MORC2: variants seen among roughly 807,000 people sequenced by gnomAD.
The protein encoded by MORC2 is ATPase MORC2.
In MORC2, 30 loss-of-function variants were observed where a neutral mutation model predicts 136.0. The ratio of observed to expected loss-of-function variants is 0.22; its 90% confidence interval spans 0.17 to 0.30. MORC2 has a LOEUF of 0.30. Among genes scored for constraint, MORC2 ranks in the 10% least tolerant of loss-of-function variants. MORC2 has a pLI of 1.00. For missense variants in MORC2, 922 were observed against 1,333.1 expected, an observed-to-expected ratio of 0.69 and a Z score of 4.80; for synonymous variants, 439 against 487.0, an observed-to-expected ratio of 0.90 and a Z score of 1.30.
At position 30,958,706 on chromosome 22, in the gene MORC2, A is replaced by T; in HGVS notation, c.69-12T>A. The T allele has an allele frequency of 6.5e-7, 1 of 1,539,300 alleles. No individual in the cohort carries two copies. Among genetic ancestry groups the T allele is most frequent in the Non-Finnish European group, 8.8e-7 (1 of 1,137,238 alleles). ...ATTCGTGAGTGGTTCTGAAATGATAAATACTAAAAGTCAGCAAAAGAATTA... is the reference window on the plus strand; with the variant it reads ...ATTCGTGAGTGGTTCTGAAATGATATATACTAAAAGTCAGCAAAAGAATTA... On this transcript the variant is annotated splice_polypyrimidine_tract_variant and intron_variant, in intron 1 of 25. Transcript: ENST00000397641.
Position 30,937,747 on chromosome 22 carries a change from C to T in MORC2, c.1370-36G>A. ...AACACCGATACATCATGTTAGGAGC[C>T]AGCCTCTCTCTCTCCCTACATTCAG... is the stretch of plus-strand genomic sequence containing the variant. On this transcript the variant is annotated intron_variant, in intron 14 of 25. Coordinates refer to ENST00000397641, the MANE Select transcript of MORC2 (RefSeq NM_001303256.3). This position sits in a 1 kb window ranked among gnomAD's most constrained non-coding sequence, Gnocchi z 4.7. 1 of 1,614,018 alleles carries T rather than the reference C, an allele frequency of 6.2e-7. No individual in the cohort carries two copies. The highest frequency in any genetic ancestry group is 1.1e-5 in the South Asian group (1 of 91,068).
intron 3 of MORC2, 67 bp downstream of exon 3, chr22:30,956,696 C>A: frequency 7.9e-7 from 1 of 1,271,384 alleles, no homozygotes; most frequent in Non-Finnish European, 1.1e-6. Flanking sequence ...CCACTCAATT[C>A]TTCTTAGGCA....
intron 1 of MORC2, among the ~76,000 whole-genome samples, chr22:30,962,683 C>A (rs1259477966): frequency 6.6e-6 from 1 of 151,394 alleles, no homozygotes; most frequent in African/African-American, 2.4e-5. Flanking sequence ...GATAAGCTAA[C>A]AGTAGCCTTT....
intron 4 of MORC2, 38 bp downstream of exon 4, chr22:30,950,339 A>AACACCCCCCCCC: frequency 1.9e-6 from 1 of 539,986 alleles, no homozygotes; most frequent in Non-Finnish European, 3.5e-6. Context: ...GTTACATCGC[A>AACACCCCCCCCC]CCCCCCCACC....
In MORC2 at chr22:30,946,328, T is replaced by C. The variant is rs773335077; in HGVS notation, c.426+13A>G. On this transcript the variant is annotated intron_variant, in intron 6 of 25. Transcript: ENST00000397641. ...TGAGGACTGGTGATGCAGACCACGA[T>C]GATGGGACCTACTTCATCAATGCCT... The C allele has an allele frequency of 4.6e-5, 73 of 1,595,756 alleles. No homozygotes were observed. Among genetic ancestry groups the C allele is most frequent in the Admixed American group, 6.8e-5 (4 of 58,538 alleles).
Position 30,937,787 on chromosome 22 carries a change from C to G in MORC2, c.1369+28G>C. On this transcript the variant is annotated intron_variant, in intron 14 of 25. Transcript: ENST00000397641. This position sits in a 1 kb window ranked among gnomAD's most constrained non-coding sequence, Gnocchi z 4.7. ...CCTACATTCAGGTGAAGAGAAAAGG[C>G]AGAGGCCCAGCAGCCCAGCCCCATT... 1 of 1,613,992 alleles carries G rather than the reference C, an allele frequency of 6.2e-7. No homozygotes were observed. The highest frequency in any genetic ancestry group is 8.5e-7 in the Non-Finnish European group (1 of 1,179,906).
At chr22:30,940,661 G>T (rs2040729697) in intron 10 of MORC2, 97 bp downstream of exon 10, 2 of 1,046,548 alleles carry the variant, frequency 1.9e-6, no homozygotes, top group Non-Finnish European at 3.0e-6. Context: ...TTGTCCCTGA[G>T]TTGTGGACTC....
chr22:30,927,559 TTC>T (rs1227651828), intron 25 of MORC2, among the ~76,000 whole-genome samples: 6 of 152,188 alleles, frequency 3.9e-5, no homozygotes, highest in Admixed American at 2.6e-4. Flanking sequence ...CCATCAGTAA[TTC>T]TCTCTCTTCC....
At chr22:30,936,218 C>T (rs113007808) in intron 17 of MORC2, among the ~76,000 whole-genome samples, 26 of 152,246 alleles carry the variant, frequency 1.7e-4, no homozygotes, top group African/African-American at 6.3e-4. Flanking sequence ...TGATGGTTAC[C>T]TCTAAGGCAG....
chr22:30,937,455 A>G lies in MORC2; in HGVS notation c.1498+128T>C. Reference sequence around the variant, plus strand: ...TGAGCTCACAGGGCCATCGTCAAACAGACTTGGATCCCTAGGGGACTGTAA... The same window carrying G: ...TGAGCTCACAGGGCCATCGTCAAACGGACTTGGATCCCTAGGGGACTGTAA... On this transcript the variant is annotated intron_variant, in intron 15 of 25. Transcript: ENST00000397641. The surrounding 1 kb of genome is among the most constrained non-coding windows in gnomAD (Gnocchi z 4.7). 7.1e-7 allele frequency: 1 copy of G among 1,407,260 alleles called. No homozygotes were observed. The highest frequency in any genetic ancestry group is 9.6e-7 in the Non-Finnish European group (1 of 1,043,646). 87.2% of individuals were successfully genotyped at this position (1,407,260 alleles called of 1,614,324 possible). A position where few individuals can be genotyped will look rare whatever the true frequency, so the allele number is the denominator to read the frequency against.
At chr22:30,950,353 C>CAAAAAA in intron 4 of MORC2, 24 bp downstream of exon 4, 5 of 1,481,922 alleles carry the variant, frequency 3.4e-6, no homozygotes, top group Non-Finnish European at 4.7e-6. Flanking sequence ...CCCCACCCCC[C>CAAAAAA]AAAACAATAA....
At chr22:30,926,932 TC>T in intron 25 of MORC2, 61 bp from the exon 26 acceptor site, 1 of 1,405,544 alleles carries the variant, frequency 7.1e-7, no homozygotes, top group Non-Finnish European at 1.0e-6. Flanking sequence ...GGCTCACCTT[TC>T]CACCCTTCTC....
At chr22:30,931,907 G>T (rs1194714140) in intron 24 of MORC2, among the ~76,000 whole-genome samples, 1 of 152,238 alleles carries the variant, frequency 6.6e-6, no homozygotes, top group Admixed American at 6.5e-5. Flanking sequence ...CATTTGCTGG[G>T]TTAAGTAAGA....
rs541463594 is a variant in MORC2 at position 30,960,772 on chromosome 22, T to C, written c.69-2078A>G. ...TCCCAAAGTGCTGGGATTACAGCCATAAGCCGCCACACCCGGCTGGAAAAG... is the reference window on the plus strand; with the variant it reads ...TCCCAAAGTGCTGGGATTACAGCCACAAGCCGCCACACCCGGCTGGAAAAG... On this transcript the variant is annotated intron_variant, in intron 1 of 25. Coordinates refer to ENST00000397641, the MANE Select transcript of MORC2 (RefSeq NM_001303256.3). Among the ~76,000 whole-genome samples, 450 of 120,158 alleles carry C rather than the reference T, an allele frequency of 3.7e-3. 1 individual carries two copies. Among genetic ancestry groups the C allele is most frequent in the Admixed American group, 5.7e-3 (58 of 10,196 alleles). 78.8% of individuals were successfully genotyped at this position (120,158 alleles called of 152,430 possible). A position where few individuals can be genotyped will look rare whatever the true frequency, so the allele number is the denominator to read the frequency against.
In MORC2 at chr22:30,941,363, A is replaced by C; in HGVS notation, c.824+70T>G. 1 of 1,583,642 alleles carries C rather than the reference A, an allele frequency of 6.3e-7. No homozygotes were observed. Among genetic ancestry groups the C allele is most frequent in the Non-Finnish European group, 8.6e-7 (1 of 1,163,902 alleles). On this transcript the variant is annotated intron_variant, in intron 9 of 25. Coordinates refer to ENST00000397641, the MANE Select transcript of MORC2 (RefSeq NM_001303256.3). This position sits in a 1 kb window ranked among gnomAD's most constrained non-coding sequence, Gnocchi z 4.6. ...CCTCTTATACAGCATCCCTCTAACA[A>C]TGCCCCAGAGAAACGCGGCCACATC...
chr22:30,967,268 A>G (rs1176183737), intron 1 of MORC2: 2 of 986,524 alleles, frequency 2.0e-6, no homozygotes, highest in Non-Finnish European at 2.4e-6. Context: ...ATCTAAATAG[A>G]GATATAAACA....
In MORC2 at chr22:30,941,692, C is replaced by T; in HGVS notation, c.699-134G>A. On this transcript the variant is annotated intron_variant, in intron 8 of 25. Transcript: ENST00000397641. The surrounding 1 kb of genome is among the most constrained non-coding windows in gnomAD (Gnocchi z 4.6). Reference sequence around the variant, plus strand: ...CTTCTGCTGCTGCCCTGAACTGGTGCTCCCTTAGTGTGAGCACCACATCCC... The same window carrying T: ...CTTCTGCTGCTGCCCTGAACTGGTGTTCCCTTAGTGTGAGCACCACATCCC... The T allele has an allele frequency of 7.5e-7, 1 of 1,341,034 alleles. No individual in the cohort carries two copies. Among genetic ancestry groups the T allele is most frequent in the Non-Finnish European group, 1.0e-6 (1 of 986,788 alleles). 83.1% of individuals were successfully genotyped at this position (1,341,034 alleles called of 1,614,324 possible). A position where few individuals can be genotyped will look rare whatever the true frequency, so the allele number is the denominator to read the frequency against.
At chr22:30,957,064 T>A (rs918819072) in intron 2 of MORC2, among the ~76,000 whole-genome samples, 6 of 152,248 alleles carry the variant, frequency 3.9e-5, no homozygotes, top group Non-Finnish European at 5.9e-5. Context: ...CCTGATTTTG[T>A]GGTAAAAACA....
At chr22:30,944,570 A>C (rs1250285480) in intron 6 of MORC2, among the ~76,000 whole-genome samples, 1 of 152,046 alleles carries the variant, frequency 6.6e-6, no homozygotes, top group Admixed American at 6.5e-5. Context: ...AAGAATGCTG[A>C]AGCCCCCAGA....
Sources: gnomAD v4.1 joint callset for allele counts (sites outside exome capture counted in the v4.1 genomes callset) on GRCh38, gnomAD v4.1.1 for gene constraint, Gnocchi (gnomAD v3.1) non-coding constraint, MANE v1.5 for transcripts, NCBI Gene and HGNC (gene_info 2026-07-23, HGNC 2026-07-21) for gene names.